The following SANBR variants were observed in gnomAD, a reference collection of about 807,000 sequenced individuals.
The protein encoded by SANBR is SANT and BTB domain regulator of class switch recombination.
Under a neutral mutation model 101.8 loss-of-function variants are expected in SANBR, and 77 were observed. The observed-to-expected ratio is 0.76, with a 90% CI of 0.63 to 0.91. The LOEUF (loss-of-function observed/expected upper bound fraction) is 0.91. SANBR is among the 40% of genes least tolerant of loss of function. The probability of loss-of-function intolerance (pLI) is 0.00; values close to 1 mark genes in which losing one functional copy is unlikely to be tolerated. For missense variants in SANBR, 875 were observed against 853.0 expected, an observed-to-expected ratio of 1.03 and a Z score of -0.32; for synonymous variants, 279 against 274.7, an observed-to-expected ratio of 1.02 and a Z score of -0.15.
chr2:61,114,768 A>G (rs1216000742), intron 16 of SANBR, among the ~76,000 whole-genome samples: 1 of 151,984 alleles, frequency 6.6e-6, no homozygotes, highest in African/African-American at 2.4e-5. Flanking sequence ...CAGTTCTCCC[A>G]CCCAAGCCTC....
chr2:61,081,119 T>C (rs779881109), intron 6 of SANBR, among the ~76,000 whole-genome samples: 86 of 152,318 alleles, frequency 5.6e-4, no homozygotes, highest in Non-Finnish European at 1.1e-3. Flanking sequence ...ATTTAAAAAG[T>C]TTTCTATTAC....
rs539415474 is a variant in SANBR at position 61,122,905 on chromosome 2, G to A, written c.*743G>A. 5.3e-5 allele frequency: 52 copies of A among 985,260 alleles called. No individual in the cohort carries two copies. In the African/African-American group the frequency reaches 8.6e-4, roughly 16 times the overall value. The allele number at this position is 985,260 out of a possible 1,614,324, so 61.0% of individuals were successfully genotyped here. On this transcript the variant is annotated 3_prime_UTR_variant, in exon 22 of 22. Transcript: ENST00000402291. Reference sequence around the variant, plus strand: ...GGTAAAATAACCATTGATAGTTTTAGGATAGTAAATCATTTCTGTTATATG... The same window carrying A: ...GGTAAAATAACCATTGATAGTTTTAAGATAGTAAATCATTTCTGTTATATG...
Position 61,092,538 on chromosome 2 carries a change from G to A in SANBR, c.1163G>A (p.Trp388Ter). The A allele has an allele frequency of 6.2e-7, 1 of 1,605,902 alleles. No homozygotes were observed. The highest frequency in any genetic ancestry group is 8.5e-7 in the Non-Finnish European group (1 of 1,176,510). ...TTAAAATCTTGGAGAGATGTATACT[G>A]GCGATTGTGGGGAACAATCAATTGG... ...EELKSWRDVY[W>*]RLWGTINWLT... The change falls in exon 11 of 22, where the codon TGG (tryptophan) becomes TAG (stop). Residue 388 changes from tryptophan to a stop codon, truncating the protein, a stop_gained. Transcript: ENST00000402291. LOFTEE classifies it high-confidence loss of function.
intron 13 of SANBR, among the ~76,000 whole-genome samples, chr2:61,104,257 C>T (rs770905325): frequency 3.9e-5 from 6 of 151,994 alleles, no homozygotes; most frequent in South Asian, 2.1e-4. Context: ...CCAAGGCGGG[C>T]GGATCACGAG....
At chr2:61,106,808 G>A in intron 14 of SANBR, 146 bp downstream of exon 14, 1 of 509,818 alleles carries the variant, frequency 2.0e-6, no homozygotes, top group Non-Finnish European at 3.4e-6. Context: ...GGACTCTAAG[G>A]GCAATAGGAC....
intron 12 of SANBR, among the ~76,000 whole-genome samples, chr2:61,100,549 G>A (rs551840696): frequency 6.6e-6 from 1 of 152,272 alleles, no homozygotes. Context: ...ACAAGAGGGA[G>A]GACAGCTCCT....
At chr2:61,102,239 G>C (rs1203895469) in intron 12 of SANBR, among the ~76,000 whole-genome samples, 1 of 151,750 alleles carries the variant, frequency 6.6e-6, no homozygotes, top group Non-Finnish European at 1.5e-5. Context: ...AGCTGGGCGT[G>C]GTGGTGTGCG....
chr2:61,077,577 ATAGT>A (rs2104860905), intron 6 of SANBR, among the ~76,000 whole-genome samples: 1 of 152,172 alleles, frequency 6.6e-6, no homozygotes, highest in South Asian at 2.1e-4. Context: ...ACATAGTTAC[ATAGT>A]TAATAAGAAA....
chr2:61,094,185 G>A (rs939173340), intron 11 of SANBR: 8 of 421,618 alleles, frequency 1.9e-5, no homozygotes, highest in African/African-American at 1.3e-4. Context: ...TGTGAGTTTC[G>A]ACAGTGCTTA....
chr2:61,103,379 TC>T (rs1393460881), intron 12 of SANBR, among the ~76,000 whole-genome samples: 1 of 152,082 alleles, frequency 6.6e-6, no homozygotes, highest in Non-Finnish European at 1.5e-5. Context: ...GCTCAAGCAA[TC>T]CACACACCTT....
intron 7 of SANBR, 101 bp downstream of exon 7, chr2:61,081,611 TAATTG>T (rs1214446418): frequency 8.2e-7 from 1 of 1,226,008 alleles, no homozygotes; most frequent in African/African-American, 1.6e-5. Flanking sequence ...AAATTATTGT[TAATTG>T]AAAAAACAAT....
Position 61,070,331 on chromosome 2 carries a change from C to CCT in SANBR, c.-9-10_-9-9dup. 6.4e-7 allele frequency: 1 copy of CCT among 1,550,678 alleles called. No individual in the cohort carries two copies. Among genetic ancestry groups the CCT allele is most frequent in the Non-Finnish European group, 8.7e-7 (1 of 1,154,378 alleles). ...GGTTTAAATAAAGCTTTTTGTCTTC[C>CCT]CTATCCCTAGTTCCAAAAGATGAGT... On this transcript the variant is annotated splice_polypyrimidine_tract_variant and intron_variant, in intron 2 of 21. Coordinates refer to ENST00000402291, the MANE Select transcript of SANBR (RefSeq NM_001129993.3).
At chr2:61,095,972 T>G (rs911228697) in intron 11 of SANBR, among the ~76,000 whole-genome samples, 2 of 152,262 alleles carry the variant, frequency 1.3e-5, no homozygotes, top group African/African-American at 2.4e-5. Context: ...CCAGTGGTAC[T>G]GCCCCCTCTT....
chr2:61,112,737 G>T (rs567725181), intron 16 of SANBR, among the ~76,000 whole-genome samples: 2 of 152,086 alleles, frequency 1.3e-5, no homozygotes, highest in Non-Finnish European at 2.9e-5. Context: ...CAGGTGATCC[G>T]CCTGCCTCGG....
intron 7 of SANBR, among the ~76,000 whole-genome samples, chr2:61,082,831 G>A (rs1486435989): frequency 1.3e-5 from 2 of 151,760 alleles, no homozygotes; most frequent in Non-Finnish European, 2.9e-5. Flanking sequence ...AAAAAAAAAA[G>A]AAGTTTACAT....
In SANBR at chr2:61,123,752, T is replaced by C. The variant is rs1461275011; in HGVS notation, c.*1590T>C. The C allele has an allele frequency of 1.0e-6, 1 of 985,564 alleles. No individual in the cohort carries two copies. The highest frequency in any genetic ancestry group is 1.1e-4 in the East Asian group (1 of 8,962). 61.1% of individuals were successfully genotyped at this position (985,564 alleles called of 1,614,324 possible). A position where few individuals can be genotyped will look rare whatever the true frequency, so the allele number is the denominator to read the frequency against. The stretch of plus-strand genomic sequence containing the variant: ...TTCTCCCCTGGGAGGCCTATACCAC[T>C]GAATTAATTTTTACAAACCAGAGTT... On this transcript the variant is annotated 3_prime_UTR_variant, in exon 22 of 22. Coordinates refer to ENST00000402291, the MANE Select transcript of SANBR (RefSeq NM_001129993.3).
chr2:61,094,250 A>G (rs1682918444), intron 11 of SANBR: 1 of 172,452 alleles, frequency 5.8e-6, no homozygotes, highest in African/African-American at 2.4e-5. Flanking sequence ...TCACCCTAAA[A>G]GAAATTTCTT....
At chr2:61,128,286 A>AAG (rs1684575573), downstream of SANBR, among the ~76,000 whole-genome samples, 1 of 151,574 alleles carries the variant, frequency 6.6e-6, no homozygotes, top group African/African-American at 2.4e-5. Context: ...AAAAAAAAAA[A>AAG]GAATCCTTAC....
intron 16 of SANBR, among the ~76,000 whole-genome samples, chr2:61,109,828 T>C (rs1229426735): frequency 1.3e-4 from 19 of 151,864 alleles, no homozygotes; most frequent in Non-Finnish European, 1.3e-4. Context: ...TTTTTCTGTA[T>C]TTTTAATAGA....
Sources: gnomAD v4.1 joint callset for allele counts (sites outside exome capture counted in the v4.1 genomes callset) on GRCh38, gnomAD v4.1.1 for gene constraint, MANE v1.5 for transcripts, NCBI Gene and HGNC (gene_info 2026-07-23, HGNC 2026-07-21) for gene names.